SORCS3: variants seen among roughly 807,000 people sequenced by gnomAD.
SORCS3 encodes the protein sortilin related VPS10 domain containing receptor 3, also known as VPS10 domain-containing receptor SorCS3.
A neutral mutation model predicts 146.3 loss-of-function variants in SORCS3; 57 were observed. The observed-to-expected ratio is 0.39, with a 90% CI of 0.31 to 0.49. The LOEUF (loss-of-function observed/expected upper bound fraction) is 0.49. Ranked by LOEUF, SORCS3 falls within the 20% of genes least tolerant of loss-of-function variation. The pLI, the probability that SORCS3 is intolerant of heterozygous loss-of-function variation, is 0.92. For synonymous variants in SORCS3, 653 were observed against 618.5 expected, an observed-to-expected ratio of 1.06 and a Z score of -0.83; for missense variants, 1,341 against 1,575.5, an observed-to-expected ratio of 0.85 and a Z score of 2.52.
chr10:104,948,059 G>T (rs1213863197), intron 3 of SORCS3, among the ~76,000 whole-genome samples: 1 of 152,208 alleles, frequency 6.6e-6, no homozygotes, highest in Non-Finnish European at 1.5e-5. Flanking sequence ...GCTAAGAGTC[G>T]TTTTGGGATT....
rs150500609 is a variant in SORCS3 at position 105,089,320 on chromosome 10, G to A, written c.1029-455G>A. On this transcript the variant is annotated intron_variant, in intron 5 of 26. Transcript: ENST00000369701. ...TCTTGAAGCAAACAGCCCAAACTGAGGCAATACCGTGTTCCCCATCGGGTA... is the reference window on the plus strand; with the variant it reads ...TCTTGAAGCAAACAGCCCAAACTGAAGCAATACCGTGTTCCCCATCGGGTA... Among the ~76,000 whole-genome samples, 633 of 152,298 alleles carry A rather than the reference G, an allele frequency of 4.2e-3. 7 individuals carry two copies. In the South Asian group the frequency reaches 0.045, roughly 11 times the overall value.
intron 1 of SORCS3, among the ~76,000 whole-genome samples, chr10:104,839,408 T>C (rs2018111735): frequency 6.6e-6 from 1 of 152,116 alleles, no homozygotes; most frequent in South Asian, 2.1e-4. Flanking sequence ...AATGAAAGGA[T>C]GGGGCACAGG....
chr10:105,217,240 A>G (rs1195847818), intron 19 of SORCS3, 118 bp downstream of exon 19: 1 of 904,818 alleles, frequency 1.1e-6, no homozygotes, highest in East Asian at 2.5e-5. Context: ...CAATTACCCA[A>G]ACCAAATGGT....
intron 2 of SORCS3, among the ~76,000 whole-genome samples, chr10:104,852,508 A>T (rs931595987): frequency 6.6e-6 from 1 of 152,212 alleles, no homozygotes; most frequent in African/African-American, 2.4e-5. Context: ...CCTGGGCCTT[A>T]TTCTAATCCC....
chr10:104,647,481 C>G (rs1424386240), intron 1 of SORCS3, among the ~76,000 whole-genome samples: 1 of 152,142 alleles, frequency 6.6e-6, no homozygotes, highest in Non-Finnish European at 1.5e-5. Context: ...TAGTTTAGTA[C>G]TTACTTTAGT....
At chr10:104,869,016 A>C (rs2018489010) in intron 2 of SORCS3, among the ~76,000 whole-genome samples, 1 of 152,156 alleles carries the variant, frequency 6.6e-6, no homozygotes, top group South Asian at 2.1e-4. Flanking sequence ...CAGATTAGAG[A>C]GCCCATTCCA....
intron 2 of SORCS3, among the ~76,000 whole-genome samples, chr10:104,899,866 G>C (rs887546086): frequency 6.6e-6 from 1 of 151,984 alleles, no homozygotes; most frequent in Non-Finnish European, 1.5e-5. Context: ...ATTGAGTGCT[G>C]TGACCATCTC....
At chr10:105,242,580 ATATATATTTATATATG>A (rs2056836662) in intron 20 of SORCS3, among the ~76,000 whole-genome samples, 1 of 11,732 alleles carries the variant, frequency 8.5e-5, no homozygotes, top group Non-Finnish European at 1.5e-4. Flanking sequence ...TTATATATTT[ATATATATTTATATATG>A]TTTATATACA....
intron 1 of SORCS3, among the ~76,000 whole-genome samples, chr10:104,666,439 G>A (rs964939089): frequency 6.6e-6 from 1 of 152,154 alleles, no homozygotes; most frequent in Non-Finnish European, 1.5e-5. Flanking sequence ...CACAGAAATA[G>A]GATTTTTCTG....
chr10:104,999,271 G>C (rs1283984976), intron 4 of SORCS3, among the ~76,000 whole-genome samples: 3 of 151,914 alleles, frequency 2.0e-5, no homozygotes, highest in African/African-American at 7.3e-5. Context: ...CAGAATCTTT[G>C]AGCTAGATAG....
chr10:105,020,626 C>A (rs541087536), intron 4 of SORCS3, among the ~76,000 whole-genome samples: 1 of 152,242 alleles, frequency 6.6e-6, no homozygotes, highest in Admixed American at 6.5e-5. Context: ...AATAAATAAA[C>A]CAAAACAACT....
intron 3 of SORCS3, among the ~76,000 whole-genome samples, chr10:104,971,929 G>C (rs1176195883): frequency 6.6e-6 from 1 of 152,154 alleles, no homozygotes; most frequent in Non-Finnish European, 1.5e-5. Flanking sequence ...TTAAATAATG[G>C]AAAAGTCTGA....
chr10:105,201,298 C>T, intron 16 of SORCS3, 45 bp downstream of exon 16: 1 of 1,582,526 alleles, frequency 6.3e-7, no homozygotes, highest in Non-Finnish European at 8.6e-7. Flanking sequence ...CAGGTCTTCA[C>T]CTGTCTGTGG....
At chr10:105,244,198 A>G (rs1229872014) in intron 20 of SORCS3, among the ~76,000 whole-genome samples, 1 of 152,112 alleles carries the variant, frequency 6.6e-6, no homozygotes, top group Non-Finnish European at 1.5e-5. Context: ...ATGACTCATC[A>G]GACTGAAGAT....
chr10:105,083,694 C>G (rs1399889755), intron 5 of SORCS3, among the ~76,000 whole-genome samples: 1 of 152,176 alleles, frequency 6.6e-6, no homozygotes. Context: ...TTGGCCCAAC[C>G]TCCTTTTTCT....
intron 1 of SORCS3, among the ~76,000 whole-genome samples, chr10:104,713,554 G>T (rs1042676886): frequency 1.3e-5 from 2 of 152,122 alleles, no homozygotes; most frequent in African/African-American, 2.4e-5. Context: ...TGATGTGATC[G>T]CAGGGTTTTT....
chr10:104,969,325 G>A (rs2054845058), intron 3 of SORCS3, among the ~76,000 whole-genome samples: 1 of 150,958 alleles, frequency 6.6e-6, no homozygotes, highest in African/African-American at 2.5e-5. Flanking sequence ...GTGTGTGTGT[G>A]TGTGTGTGTG....
At chr10:104,870,860 T>A (rs2018512152) in intron 2 of SORCS3, among the ~76,000 whole-genome samples, 1 of 152,232 alleles carries the variant, frequency 6.6e-6, no homozygotes, top group Non-Finnish European at 1.5e-5. Flanking sequence ...GACCCACCTC[T>A]GAGGCATTCT....
intron 2 of SORCS3, among the ~76,000 whole-genome samples, chr10:104,871,546 G>A (rs1468680858): frequency 6.6e-6 from 1 of 152,172 alleles, no homozygotes; most frequent in African/African-American, 2.4e-5. Flanking sequence ...GAGAATTGGT[G>A]GCTGTATTTA....
Sources: allele counts gnomAD v4.1 joint callset (sites outside exome capture counted in the v4.1 genomes callset), GRCh38; gene constraint gnomAD v4.1.1; transcripts MANE v1.5; gene names NCBI Gene and HGNC (gene_info 2026-07-23, HGNC 2026-07-21).